The following TF variants were observed in gnomAD, a reference collection of about 807,000 sequenced individuals.
The protein encoded by TF is serotransferrin.
In TF, 55 loss-of-function variants were observed where a neutral mutation model predicts 82.4. The observed-to-expected ratio is 0.67, with a 90% CI of 0.54 to 0.84. The LOEUF (loss-of-function observed/expected upper bound fraction) is 0.84. Ranked by LOEUF, TF falls within the 40% of genes least tolerant of loss-of-function variation. The pLI is 0.00. For missense variants in TF, 737 were observed against 868.4 expected, an observed-to-expected ratio of 0.85 and a Z score of 1.90; for synonymous variants, 332 against 332.6, an observed-to-expected ratio of 1.00 and a Z score of 0.02.
chr3:133,729,516 G>A, the TF span, among the ~76,000 whole-genome samples: 1 of 152,208 alleles, frequency 6.6e-6, no homozygotes, highest in African/African-American at 2.4e-5. Flanking sequence ...TCGGAAAAGC[G>A]CAGTATTCGG....
In TF at chr3:133,794,956, A is replaced by G. The variant is rs1245178067; in HGVS notation, c.*16336A>G. ...GCAGCCAGCTTTAGGTCCTTTTTCC[A>G]TGATTTGGAATAAAAGAGGCAAATG... is the stretch of plus-strand genomic sequence containing the variant. On this transcript the variant is annotated 3_prime_UTR_variant, in exon 17 of 17. Coordinates refer to ENST00000402696, the MANE Select transcript of TF (RefSeq NM_001063.4). 1 of 152,276 alleles carries G rather than the reference A, an allele frequency of 6.6e-6. No individual in the cohort carries two copies. Among genetic ancestry groups the G allele is most frequent in the Non-Finnish European group, 1.5e-5 (1 of 68,046 alleles). The allele number at this position is 152,276 out of a possible 1,614,324, so 9.4% of individuals were successfully genotyped here. A position where few individuals can be genotyped will look rare whatever the true frequency, so the allele number is the denominator to read the frequency against.
chr3:133,778,510 T>G, intron 16 of TF, 76 bp from the exon 17 acceptor site: 1 of 1,521,854 alleles, frequency 6.6e-7, no homozygotes, highest in South Asian at 1.1e-5. Flanking sequence ...TATGCTGAAA[T>G]TGTTCAATCA....
chr3:133,713,710 T>G, the TF span, among the ~76,000 whole-genome samples: 30 of 152,354 alleles, frequency 2.0e-4, no homozygotes, highest in African/African-American at 7.2e-4. Flanking sequence ...TTTAGCTTCC[T>G]CAGGGTCCGG....
the TF span, among the ~76,000 whole-genome samples, chr3:133,683,362 T>G: frequency 6.6e-6 from 1 of 152,152 alleles, no homozygotes; most frequent in Non-Finnish European, 1.5e-5. Context: ...AATATGAACC[T>G]TAAATGTAAA....
rs1934426873 is a variant in TF, at chr3:133,777,540, T to C, written c.2062+302T>C. 1.3e-5 allele frequency: 4 copies of C among 313,590 alleles called. No individual in the cohort carries two copies. In the South Asian group the frequency reaches 2.1e-4, roughly 16 times the overall value. 19.4% of individuals were successfully genotyped at this position (313,590 alleles called of 1,614,324 possible). A position where few individuals can be genotyped will look rare whatever the true frequency, so the allele number is the denominator to read the frequency against. On this transcript the variant is annotated intron_variant, in intron 16 of 16. Transcript: ENST00000402696. ...CATGCCATTGCTCTGCAGTAAACTT[T>C]TGATTAGAGTTGCCTTGTCCAATAT...
intron 14 of TF, chr3:133,774,229 T>A (rs1291203723): frequency 6.6e-6 from 1 of 152,078 alleles, no homozygotes; most frequent in East Asian, 1.9e-4. Context: ...TAAAATAAAA[T>A]AAAAATACAT....
At chr3:133,679,686 T>C in the TF span, among the ~76,000 whole-genome samples, 3 of 151,628 alleles carry the variant, frequency 2.0e-5, no homozygotes, top group African/African-American at 7.3e-5. Context: ...TTGAATGGCT[T>C]TACCACAGCT....
the TF span, chr3:133,699,326 A>C: frequency 2.1e-6 from 1 of 471,360 alleles, no homozygotes; most frequent in Non-Finnish European, 3.8e-6. Flanking sequence ...TTTTGGAAAA[A>C]AATTCTCCCT....
the TF span, among the ~76,000 whole-genome samples, chr3:133,688,008 C>G: frequency 1.3e-5 from 2 of 151,758 alleles, no homozygotes; most frequent in East Asian, 3.9e-4. Context: ...AATCTTTTGG[C>G]TTTTTTAGCT....
the TF span, among the ~76,000 whole-genome samples, chr3:133,725,999 G>A: frequency 6.6e-6 from 1 of 152,186 alleles, no homozygotes; most frequent in East Asian, 1.9e-4. Flanking sequence ...GCATCCCAGG[G>A]ATGAAGCCCA....
At chr3:133,777,546 A>G in intron 16 of TF, 1 of 305,168 alleles carries the variant, frequency 3.3e-6, no homozygotes, top group South Asian at 5.4e-5. Flanking sequence ...ACTTTTGATT[A>G]GAGTTGCCTT....
At chr3:133,711,311 A>C in the TF span, among the ~76,000 whole-genome samples, 1 of 152,240 alleles carries the variant, frequency 6.6e-6, no homozygotes, top group African/African-American at 2.4e-5. Context: ...TTGTCAACAC[A>C]GATCTCTCAA....
chr3:133,695,689 C>T, the TF span, among the ~76,000 whole-genome samples: 2 of 152,100 alleles, frequency 1.3e-5, no homozygotes, highest in Admixed American at 6.5e-5. Flanking sequence ...TACAGTAATT[C>T]CCCCTTATCC....
At chr3:133,757,224 C>T (rs991155281) in intron 7 of TF, among the ~76,000 whole-genome samples, 5 of 152,232 alleles carry the variant, frequency 3.3e-5, no homozygotes, top group East Asian at 3.8e-4. Flanking sequence ...GCCTTTCTGG[C>T]TGGTGACACC....
At chr3:133,664,721 TTTA>T in the TF span, among the ~76,000 whole-genome samples, 2 of 152,234 alleles carry the variant, frequency 1.3e-5, no homozygotes, top group Non-Finnish European at 2.9e-5. Flanking sequence ...ATTTTGTTTT[TTTA>T]TTGTTGTATT....
At chr3:133,719,553 C>T in the TF span, among the ~76,000 whole-genome samples, 1 of 152,096 alleles carries the variant, frequency 6.6e-6, no homozygotes, top group African/African-American at 2.4e-5. Flanking sequence ...CTGTGATACC[C>T]CCAGCTTTGT....
the TF span, among the ~76,000 whole-genome samples, chr3:133,740,363 T>TA: frequency 6.6e-6 from 1 of 152,078 alleles, no homozygotes; most frequent in East Asian, 1.9e-4. Context: ...GGGATAGCAT[T>TA]AGGAGAAATA....
chr3:133,733,234 A>C, the TF span, among the ~76,000 whole-genome samples: 3 of 151,266 alleles, frequency 2.0e-5, no homozygotes, highest in African/African-American at 7.3e-5. Context: ...CTTCCTTTCC[A>C]CTCCCGAGCA....
chr3:133,664,983 A>T, the TF span: 1 of 152,140 alleles, frequency 6.6e-6, no homozygotes, highest in African/African-American at 2.4e-5. Context: ...AGAGATAAGC[A>T]TTGCCCATGT....
Sources: gnomAD v4.1 joint callset for allele counts (sites outside exome capture counted in the v4.1 genomes callset) on GRCh38, gnomAD v4.1.1 for gene constraint, MANE v1.5 for transcripts, NCBI Gene and HGNC (gene_info 2026-07-23, HGNC 2026-07-21) for gene names.